SLC17A5: variants seen among roughly 807,000 people sequenced by gnomAD.
The protein encoded by SLC17A5 is sialin.
A neutral mutation model predicts 59.4 loss-of-function variants in SLC17A5; 47 were observed. The ratio of observed to expected loss-of-function variants is 0.79; its 90% confidence interval spans 0.63 to 1.01. SLC17A5 has a LOEUF of 1.01. Ranked by LOEUF, SLC17A5 falls within the 50% of genes least tolerant of loss-of-function variation. The pLI is 0.00. For missense variants in SLC17A5, 522 were observed against 595.5 expected (o/e 0.88, Z 1.28); for synonymous variants, 202 against 210.7 (o/e 0.96, Z 0.36).
intron 8 of SLC17A5, among the ~76,000 whole-genome samples, chr6:73,614,796 C>T (rs1767784195): frequency 6.6e-6 from 1 of 152,176 alleles, no homozygotes; most frequent in Non-Finnish European, 1.5e-5. Flanking sequence ...CTACCCGGTC[C>T]CACATATGTT....
At position 73,593,588 on chromosome 6, in the gene SLC17A5, ACTG is replaced by A. The variant is rs1401680117; in HGVS notation, c.*1486_*1488del. The A allele has an allele frequency of 2.6e-5, 4 of 152,348 alleles. No homozygotes were observed. In the South Asian group the frequency reaches 8.3e-4, roughly 32 times the overall value. The allele number at this position is 152,348 out of a possible 1,614,324, so 9.4% of individuals were successfully genotyped here. ...GAAAGCATGCTCAACAACCACAGCC[ACTG>A]GAGGATGGTCCACTGGAAAAATATG... On this transcript the variant is annotated 3_prime_UTR_variant, in exon 11 of 11. Coordinates refer to ENST00000355773, the MANE Select transcript of SLC17A5 (RefSeq NM_012434.5).
intron 10 of SLC17A5, among the ~76,000 whole-genome samples, chr6:73,597,764 C>T (rs1014526946): frequency 2.6e-5 from 4 of 151,736 alleles, no homozygotes; most frequent in East Asian, 3.9e-4. Flanking sequence ...CTAGCCTGGG[C>T]GATGGAGACC....
chr6:73,618,852 G>A (rs1195730249), intron 7 of SLC17A5, among the ~76,000 whole-genome samples: 1 of 152,038 alleles, frequency 6.6e-6, no homozygotes. Context: ...AGTCTCCCGA[G>A]GTGCTGGGAT....
chr6:73,633,884 A>T (rs865815534), intron 6 of SLC17A5, among the ~76,000 whole-genome samples: 121 of 152,012 alleles, frequency 8.0e-4, no homozygotes, highest in African/African-American at 2.4e-3. Flanking sequence ...CGTCTAAAAA[A>T]AAAAATAAAT....
At chr6:73,603,100 G>C (rs1701414666) in intron 9 of SLC17A5, among the ~76,000 whole-genome samples, 1 of 151,982 alleles carries the variant, frequency 6.6e-6, no homozygotes, top group Non-Finnish European at 1.5e-5. Flanking sequence ...TTATAGACGT[G>C]AGATCATATC....
rs2150091529 is a variant in SLC17A5 at position 73,615,360 on chromosome 6, A to G, written c.1066T>C (p.Trp356Arg). ...GQAADNLRAK[W>R]NFSTLCVRRI... is the part of the protein sequence containing the mutation. ...CGAACACATAAAGTTGAAAAATTCC[A>G]TTTTGCCCTTAAATTGTCAGCAGCT... is the stretch of plus-strand genomic sequence containing the variant. Residue 356 changes from tryptophan to arginine, a missense_variant, in exon 8 of 11, where the codon TGG (tryptophan) becomes CGG (arginine). By Grantham distance (101) the Trp-to-Arg change is moderately radical. This residue lies in a region of SLC17A5 where 31 missense variants were observed against 63.2 expected (regional missense o/e 0.49). Coordinates refer to ENST00000355773, the MANE Select transcript of SLC17A5 (RefSeq NM_012434.5). The G allele has an allele frequency of 1.9e-6, 3 of 1,614,096 alleles. No homozygotes were observed. In the South Asian group the frequency reaches 3.3e-5, roughly 18 times the overall value.
intron 9 of SLC17A5, among the ~76,000 whole-genome samples, chr6:73,607,163 G>A (rs1327310986): frequency 6.6e-6 from 1 of 152,268 alleles, no homozygotes; most frequent in East Asian, 1.9e-4. Context: ...ATTGCATTAT[G>A]AGCAAAGTGT....
chr6:73,597,157 G>A (rs372989800), intron 10 of SLC17A5, among the ~76,000 whole-genome samples: 125 of 149,864 alleles, frequency 8.3e-4, no homozygotes, highest in East Asian at 2.6e-3. Flanking sequence ...GTGAAACTCC[G>A]TCTCAAAAAT....
chr6:73,629,625 A>G (rs1027085401), intron 6 of SLC17A5, among the ~76,000 whole-genome samples: 1 of 151,664 alleles, frequency 6.6e-6, no homozygotes, highest in African/African-American at 2.4e-5. Flanking sequence ...ATACAAAAAA[A>G]TTAGCTGGGC....
At position 73,594,879 on chromosome 6, in the gene SLC17A5, T is replaced by G. The variant is rs77448002; in HGVS notation, c.*198A>C. On this transcript the variant is annotated 3_prime_UTR_variant, in exon 11 of 11. Transcript: ENST00000355773. ...GTGAACCTAAAGTAGAAGTCCTAGC[T>G]TACATATTATTCATAATTAAACACA... The G allele has an allele frequency of 1.1e-5, 7 of 619,678 alleles. No individual in the cohort carries two copies. The highest frequency in any genetic ancestry group is 1.1e-4 in the African/African-American group (6 of 54,102). 38.4% of individuals were successfully genotyped at this position (619,678 alleles called of 1,614,324 possible). A position where few individuals can be genotyped will look rare whatever the true frequency, so the allele number is the denominator to read the frequency against.
At chr6:73,599,876 A>G in intron 10 of SLC17A5, among the ~76,000 whole-genome samples, 1 of 151,644 alleles carries the variant, frequency 6.6e-6, no homozygotes, top group East Asian at 1.9e-4. Context: ...GGCTTACTGC[A>G]ACCTCCGCCT....
chr6:73,635,601 T>C, intron 5 of SLC17A5, 101 bp from the exon 6 acceptor site: 1 of 639,980 alleles, frequency 1.6e-6, no homozygotes. Context: ...CAACAATTTT[T>C]ACATGTCTTG....
Position 73,653,777 on chromosome 6 carries a change from C to G in SLC17A5, c.94+16G>C. The stretch of plus-strand genomic sequence containing the variant: ...CCGCTGCCCACTCGAAGCCCCTGGA[C>G]GACCCCGCCGCTTACCGGCTTCGGC... On this transcript the variant is annotated intron_variant, in intron 1 of 10. Transcript: ENST00000355773. 1 of 1,566,822 alleles carries G rather than the reference C, an allele frequency of 6.4e-7. No homozygotes were observed. The highest frequency in any genetic ancestry group is 8.7e-7 in the Non-Finnish European group (1 of 1,155,954).
At chr6:73,641,055 C>T (rs12190753) in intron 3 of SLC17A5, among the ~76,000 whole-genome samples, 8,486 of 152,196 alleles carry the variant, frequency 0.056, 421 homozygotes, top group Admixed American at 0.16. Flanking sequence ...GTGGCAAGAG[C>T]ACAAGAGGTA....
intron 8 of SLC17A5, among the ~76,000 whole-genome samples, chr6:73,614,688 C>T (rs1036657178): frequency 6.6e-6 from 1 of 152,128 alleles, no homozygotes; most frequent in African/African-American, 2.4e-5. Context: ...ACACATTTAA[C>T]GAAGTCTCCA....
chr6:73,653,538 G>T, intron 1 of SLC17A5: 2 of 934,364 alleles, frequency 2.1e-6, no homozygotes, highest in Non-Finnish European at 1.3e-6. Flanking sequence ...GCCCGGTGGG[G>T]CTGCACCTGC....
At chr6:73,650,433 G>C (rs556544361) in intron 1 of SLC17A5, among the ~76,000 whole-genome samples, 3 of 149,476 alleles carry the variant, frequency 2.0e-5, no homozygotes, top group African/African-American at 7.4e-5. Context: ...GCATGAACCC[G>C]GGAGGCGGAG....
intron 5 of SLC17A5, among the ~76,000 whole-genome samples, chr6:73,635,741 A>AC (rs1370872844): frequency 6.8e-6 from 1 of 147,526 alleles, no homozygotes; most frequent in Non-Finnish European, 1.5e-5. Flanking sequence ...GAAGAAAACA[A>AC]CTTTTTTTTT....
At chr6:73,608,740 G>A (rs1233285389) in intron 9 of SLC17A5, among the ~76,000 whole-genome samples, 1 of 152,182 alleles carries the variant, frequency 6.6e-6, no homozygotes, top group Non-Finnish European at 1.5e-5. Context: ...TCTTGGCCAG[G>A]TGCTGTGGCC....
Sources: gnomAD v4.1 joint callset for allele counts (sites outside exome capture counted in the v4.1 genomes callset) on GRCh38, gnomAD v4.1.1 for gene constraint, gnomAD v4.1.1 regional missense constraint, MANE v1.5 for transcripts, NCBI Gene and HGNC (gene_info 2026-07-23, HGNC 2026-07-21) for gene names.